CAMK1D: variants seen among roughly 807,000 people sequenced by gnomAD.
CAMK1D encodes the protein calcium/calmodulin dependent protein kinase ID, also known as calcium/calmodulin-dependent protein kinase type 1D.
Under a neutral mutation model 47.7 loss-of-function variants are expected in CAMK1D, and 9 were observed. The observed-to-expected ratio is 0.19, with a 90% CI of 0.11 to 0.33. The LOEUF (loss-of-function observed/expected upper bound fraction) is 0.33. CAMK1D is among the 10% of genes least tolerant of loss of function. The pLI, the probability that CAMK1D is intolerant of heterozygous loss-of-function variation, is 1.00. For synonymous variants in CAMK1D, 184 were observed against 184.9 expected (o/e 0.99, Z 0.04); for missense variants, 291 against 488.7 (o/e 0.60, Z 3.81).
chr10:12,801,937 C>T (rs1475249229), intron 6 of CAMK1D, among the ~76,000 whole-genome samples: 1 of 152,192 alleles, frequency 6.6e-6, no homozygotes, highest in African/African-American at 2.4e-5. Flanking sequence ...ACCTGTGTCT[C>T]CTTTCCTCTG....
At chr10:12,615,905 GGT>G (rs752886942) in intron 2 of CAMK1D, among the ~76,000 whole-genome samples, 5 of 151,164 alleles carry the variant, frequency 3.3e-5, no homozygotes, top group East Asian at 1.9e-4. Flanking sequence ...AGCATGTGCT[GGT>G]GTGTGTATAG....
chr10:12,786,808 G>T (rs550500803), intron 5 of CAMK1D, among the ~76,000 whole-genome samples: 1 of 152,220 alleles, frequency 6.6e-6, no homozygotes, highest in Non-Finnish European at 1.5e-5. Flanking sequence ...TTTAAGTGTA[G>T]TTAGTCTGTG....
chr10:12,691,390 TATATATATATATAAATATATATATATA>T (rs1832901049), intron 3 of CAMK1D, among the ~76,000 whole-genome samples: 1 of 7,086 alleles, frequency 1.4e-4, no homozygotes, highest in Non-Finnish European at 2.7e-4. Context: ...TATATATATA[TATATATATATATAAATATATATATATA>T]TATATTTTTT....
At chr10:12,625,951 TC>T (rs1322586252) in intron 2 of CAMK1D, among the ~76,000 whole-genome samples, 1 of 152,220 alleles carries the variant, frequency 6.6e-6, no homozygotes, top group Non-Finnish European at 1.5e-5. Context: ...GTTCGATTTT[TC>T]TTGTTTTGTT....
intron 3 of CAMK1D, among the ~76,000 whole-genome samples, chr10:12,683,365 T>G (rs1038793087): frequency 6.6e-6 from 1 of 152,088 alleles, no homozygotes; most frequent in African/African-American, 2.4e-5. Context: ...GGATTACAGG[T>G]GTAAGCCACT....
At chr10:12,525,518 T>C (rs1009898509) in intron 1 of CAMK1D, among the ~76,000 whole-genome samples, 3 of 152,032 alleles carry the variant, frequency 2.0e-5, no homozygotes, top group Non-Finnish European at 2.9e-5. Context: ...ATCTAGTGAA[T>C]TTTTAAAAAA....
rs931342791 is a variant in CAMK1D at position 12,829,139 on chromosome 10, C to G, written c.*252C>G. ...CTGTATATACGAATCTTGCAAAGCT[C>G]TAACTGAACGGACCTTCTTATTCCT... On this transcript the variant is annotated 3_prime_UTR_variant, in exon 11 of 11. Transcript: ENST00000619168. 2 of 407,082 alleles carry G rather than the reference C, an allele frequency of 4.9e-6. No homozygotes were observed. The highest frequency in any genetic ancestry group is 3.9e-5 in the South Asian group (1 of 25,724). 25.2% of individuals were successfully genotyped at this position (407,082 alleles called of 1,614,324 possible).
intron 3 of CAMK1D, among the ~76,000 whole-genome samples, chr10:12,751,118 TAAGATAAG>T (rs1564535550): frequency 1.0e-5 from 1 of 98,098 alleles, no homozygotes; most frequent in Non-Finnish European, 2.2e-5. Flanking sequence ...TAAGATAAGA[TAAGATAAG>T]AAGGCTTCAG....
rs1199664584 is a variant in CAMK1D, at chr10:12,404,341, G to C, written c.92+54431G>C. 1.3e-5 allele frequency among the ~76,000 whole-genome samples: 2 copies of C among 152,184 alleles called. 1 individual carries two copies. Among genetic ancestry groups the C allele is most frequent in the Middle Eastern group, 6.3e-3 (2 of 316 alleles). ...ATTACAGGCGTGAGCCCCTGCGCCC[G>C]GCCTTATTTGAGCTTTTCTAAAAGC... On this transcript the variant is annotated intron_variant, in intron 1 of 10. Coordinates refer to ENST00000619168, the MANE Select transcript of CAMK1D (RefSeq NM_153498.4).
At chr10:12,631,112 G>T (rs550304341) in intron 2 of CAMK1D, among the ~76,000 whole-genome samples, 2 of 152,252 alleles carry the variant, frequency 1.3e-5, no homozygotes, top group South Asian at 2.1e-4. Context: ...AGTGATTTTT[G>T]TGTGTATAAA....
intron 2 of CAMK1D, among the ~76,000 whole-genome samples, chr10:12,634,039 C>T (rs1424073224): frequency 1.3e-5 from 2 of 152,204 alleles, no homozygotes; most frequent in Non-Finnish European, 2.9e-5. Context: ...CTCCAGTCCT[C>T]TCTCAGCGGC....
chr10:12,445,175 C>G (rs142390355), intron 1 of CAMK1D, among the ~76,000 whole-genome samples: 1 of 152,164 alleles, frequency 6.6e-6, no homozygotes, highest in Non-Finnish European at 1.5e-5. Context: ...CAGTCGTGCC[C>G]GAATTCCAAA....
intron 1 of CAMK1D, among the ~76,000 whole-genome samples, chr10:12,452,159 C>G (rs1421815860): frequency 2.6e-5 from 4 of 151,984 alleles, no homozygotes; most frequent in Admixed American, 2.0e-4. Flanking sequence ...CTGAGAGCAG[C>G]GTATGGAACC....
chr10:12,576,587 G>C (rs1837495829), intron 2 of CAMK1D, among the ~76,000 whole-genome samples: 1 of 152,142 alleles, frequency 6.6e-6, no homozygotes, highest in African/African-American at 2.4e-5. Flanking sequence ...GATGGGAGAT[G>C]GTGACAGATC....
chr10:12,542,279 C>CT (rs1836221465), intron 1 of CAMK1D, among the ~76,000 whole-genome samples: 1 of 152,056 alleles, frequency 6.6e-6, no homozygotes, highest in African/African-American at 2.4e-5. Context: ...TGGTCGGAGG[C>CT]TGGGGGGTAA....
chr10:12,356,044 C>G (rs76956593), intron 1 of CAMK1D, among the ~76,000 whole-genome samples: 14,274 of 152,002 alleles, frequency 0.094, 840 homozygotes, highest in Middle Eastern at 0.14. Flanking sequence ...GGGCAAGTGC[C>G]TGATGTGGGA....
chr10:12,762,080 T>C (rs1297877636), intron 4 of CAMK1D, among the ~76,000 whole-genome samples: 1 of 152,178 alleles, frequency 6.6e-6, no homozygotes, highest in African/African-American at 2.4e-5. Flanking sequence ...GAAGGGTGGA[T>C]GTCACACATA....
intron 2 of CAMK1D, among the ~76,000 whole-genome samples, chr10:12,637,639 G>T: frequency 7.2e-6 from 1 of 138,738 alleles, no homozygotes; most frequent in African/African-American, 2.7e-5. Context: ...GAGGGCGGGG[G>T]TGGGAAGTAA....
At chr10:12,734,274 G>T (rs1835027000) in intron 3 of CAMK1D, among the ~76,000 whole-genome samples, 1 of 134,216 alleles carries the variant, frequency 7.5e-6, no homozygotes, top group South Asian at 2.5e-4. Flanking sequence ...GTGAGGCCGA[G>T]ATCATGCCAC....
Sources: allele counts gnomAD v4.1 joint callset (sites outside exome capture counted in the v4.1 genomes callset), GRCh38; gene constraint gnomAD v4.1.1; transcripts MANE v1.5; gene names NCBI Gene and HGNC (gene_info 2026-07-23, HGNC 2026-07-21).